Variants in GPC5 observed in about 807,000 individuals in gnomAD.
GPC5 encodes the protein glypican-5.
Under a neutral mutation model 53.9 loss-of-function variants are expected in GPC5, and 47 were observed. That is an observed-to-expected ratio of 0.87 (90% CI 0.69 to 1.11). The LOEUF is 1.11. GPC5 is among the 50% of genes most tolerant of loss of function. The pLI, the probability that GPC5 is intolerant of heterozygous loss-of-function variation, is 0.00. For missense variants in GPC5, 748 were observed against 713.1 expected (o/e 1.05, Z -0.56); for synonymous variants, 286 against 263.3 (o/e 1.09, Z -0.84).
intron 1 of GPC5, among the ~76,000 whole-genome samples, chr13:91,403,134 G>A (rs1024618516): frequency 6.6e-6 from 1 of 152,210 alleles, no homozygotes; most frequent in Non-Finnish European, 1.5e-5. Context: ...TTTGAACAAC[G>A]TGTTTGTGGG....
intron 7 of GPC5, among the ~76,000 whole-genome samples, chr13:92,290,877 G>A (rs772014828): frequency 6.6e-6 from 1 of 152,174 alleles, no homozygotes; most frequent in Non-Finnish European, 1.5e-5. Flanking sequence ...AGCTTGCGGG[G>A]AGGTGTGGAG....
At chr13:92,467,751 AG>A (rs1878754225) in intron 7 of GPC5, among the ~76,000 whole-genome samples, 2 of 152,118 alleles carry the variant, frequency 1.3e-5, no homozygotes, top group African/African-American at 4.8e-5. Flanking sequence ...ATGTAGGTTT[AG>A]TTTTGAGAAC....
At position 91,824,280 on chromosome 13, in the gene GPC5, T is replaced by C. The variant is rs188844258; in HGVS notation, c.1280+67860T>C. Among the ~76,000 whole-genome samples, 700 of 152,104 alleles carry C rather than the reference T, an allele frequency of 4.6e-3. 3 individuals carry two copies. Among genetic ancestry groups the C allele is most frequent in the African/African-American group, 0.016 (671 of 41,532 alleles). On this transcript the variant is annotated intron_variant, in intron 5 of 7. Coordinates refer to ENST00000377067, the MANE Select transcript of GPC5 (RefSeq NM_004466.6). ...GAAAGACAGAAAGATGAGATTATAA[T>C]TGGACTATGATGGCATGAAATTTTG...
intron 7 of GPC5, among the ~76,000 whole-genome samples, chr13:92,450,712 T>TTA (rs2139398137): frequency 6.6e-6 from 1 of 152,290 alleles, no homozygotes; most frequent in Non-Finnish European, 1.5e-5. Context: ...AACATGCAGA[T>TTA]TATACATTGC....
chr13:91,555,883 G>T (rs550161014), intron 2 of GPC5, among the ~76,000 whole-genome samples: 3 of 152,032 alleles, frequency 2.0e-5, no homozygotes, highest in Admixed American at 6.6e-5. Flanking sequence ...GGGGGAAACC[G>T]CCCCCGTGAT....
chr13:91,751,198 C>T (rs1045833950), intron 4 of GPC5, among the ~76,000 whole-genome samples: 2 of 152,174 alleles, frequency 1.3e-5, no homozygotes, highest in Non-Finnish European at 2.9e-5. Flanking sequence ...CAAACCAAAA[C>T]CCATCTTAAT....
intron 7 of GPC5, among the ~76,000 whole-genome samples, chr13:92,319,286 C>T (rs2139220621): frequency 6.6e-6 from 1 of 151,836 alleles, no homozygotes; most frequent in Non-Finnish European, 1.5e-5. Flanking sequence ...ATTAAATATA[C>T]ATGTATTTTA....
rs529804700 is a variant in GPC5 at position 91,703,754 on chromosome 13, A to G, written c.1020+9873A>G. 3.9e-5 allele frequency among the ~76,000 whole-genome samples: 6 copies of G among 152,002 alleles called. No individual in the cohort carries two copies. In the East Asian group the frequency reaches 1.2e-3, roughly 29 times the overall value. On this transcript the variant is annotated intron_variant, in intron 3 of 7. Coordinates refer to ENST00000377067, the MANE Select transcript of GPC5 (RefSeq NM_004466.6). Reference sequence around the variant, plus strand: ...TCCTTTAAACGTTTGGTGAAATTCAACTGTGGAGCCATTCATCTGGGATTT... The same window carrying G: ...TCCTTTAAACGTTTGGTGAAATTCAGCTGTGGAGCCATTCATCTGGGATTT...
chr13:92,216,329 G>A (rs573519539), intron 7 of GPC5, among the ~76,000 whole-genome samples: 11 of 152,298 alleles, frequency 7.2e-5, no homozygotes, highest in African/African-American at 2.6e-4. Flanking sequence ...AGTATTGTCA[G>A]GGAAGGCAGA....
intron 2 of GPC5, among the ~76,000 whole-genome samples, chr13:91,689,487 A>G (rs1334880580): frequency 6.6e-6 from 1 of 150,940 alleles, no homozygotes; most frequent in East Asian, 1.9e-4. Flanking sequence ...TAATAAATTT[A>G]CTTTAAACTT....
At chr13:92,714,652 A>G (rs532642879) in intron 7 of GPC5, among the ~76,000 whole-genome samples, 15 of 152,214 alleles carry the variant, frequency 9.9e-5, no homozygotes, top group South Asian at 2.1e-4. Context: ...ATATATGAAA[A>G]TATTTCAATT....
chr13:92,214,250 T>G lies in GPC5; in HGVS notation c.1561+69261T>G, dbSNP rs546048198. On this transcript the variant is annotated intron_variant, in intron 7 of 7. Coordinates refer to ENST00000377067, the MANE Select transcript of GPC5 (RefSeq NM_004466.6). ...TTAGGGCTTATTCAATATTTTTGGT[T>G]TATTCAATTTTGGTAGTTTCTTACA... Among the ~76,000 whole-genome samples the G allele has an allele frequency of 3.9e-5, 6 of 152,326 alleles. No homozygotes were observed. In the South Asian group the frequency reaches 1.2e-3, roughly 32 times the overall value.
At chr13:91,718,325 T>C (rs1410845601) in intron 3 of GPC5, among the ~76,000 whole-genome samples, 2 of 152,108 alleles carry the variant, frequency 1.3e-5, no homozygotes, top group Non-Finnish European at 2.9e-5. Context: ...TTAGCTAGGA[T>C]GGTCTCAATC....
intron 5 of GPC5, among the ~76,000 whole-genome samples, chr13:91,855,751 T>C (rs2038960531): frequency 6.6e-6 from 1 of 151,656 alleles, no homozygotes; most frequent in African/African-American, 2.4e-5. Flanking sequence ...CTGCATGACC[T>C]ATACCTTAAA....
intron 2 of GPC5, among the ~76,000 whole-genome samples, chr13:91,632,987 A>G (rs1242537550): frequency 6.6e-6 from 1 of 152,184 alleles, no homozygotes; most frequent in Admixed American, 6.6e-5. Context: ...CATACCCTCG[A>G]CTAAACCTGA....
At chr13:91,497,785 CAA>C (rs1268054736) in intron 2 of GPC5, among the ~76,000 whole-genome samples, 3 of 152,032 alleles carry the variant, frequency 2.0e-5, no homozygotes, top group African/African-American at 7.2e-5. Context: ...GAAATGAAAA[CAA>C]AGTTATTCTT....
intron 7 of GPC5, among the ~76,000 whole-genome samples, chr13:92,599,577 T>C (rs1011719184): frequency 6.6e-6 from 1 of 152,182 alleles, no homozygotes; most frequent in African/African-American, 2.4e-5. Flanking sequence ...GCCATATTAA[T>C]GAGTTTGGAA....
intron 7 of GPC5, among the ~76,000 whole-genome samples, chr13:92,307,494 TA>T (rs1012784077): frequency 6.6e-6 from 1 of 152,220 alleles, no homozygotes; most frequent in Admixed American, 6.5e-5. Context: ...TGTTCTCCTG[TA>T]AAAATAAGTA....
chr13:91,974,805 ATG>A, intron 6 of GPC5, among the ~76,000 whole-genome samples: 1 of 151,836 alleles, frequency 6.6e-6, no homozygotes, highest in African/African-American at 2.4e-5. Context: ...AGAGCCCACA[ATG>A]CCAAGACAAT....
Sources: gnomAD v4.1 joint callset for allele counts (sites outside exome capture counted in the v4.1 genomes callset) on GRCh38, gnomAD v4.1.1 for gene constraint, MANE v1.5 for transcripts, NCBI Gene and HGNC (gene_info 2026-07-23, HGNC 2026-07-21) for gene names.